The following U2AF2 variants were observed in gnomAD, a reference collection of about 807,000 sequenced individuals.
U2AF2 encodes the protein splicing factor U2AF 65 kDa subunit.
Under a neutral mutation model 52.6 loss-of-function variants are expected in U2AF2, and 6 were observed. That is an observed-to-expected ratio of 0.11 (90% CI 0.06 to 0.23). U2AF2 has a LOEUF of 0.23. Among genes scored for constraint, U2AF2 ranks in the 10% least tolerant of loss-of-function variants. U2AF2 has a pLI of 1.00. For synonymous variants in U2AF2, 284 were observed against 258.2 expected, an observed-to-expected ratio of 1.10 and a Z score of -0.96; for missense variants, 222 against 677.1, an observed-to-expected ratio of 0.33 and a Z score of 7.46.
intron 11 of U2AF2, among the ~76,000 whole-genome samples, chr19:55,673,503 TG>T (rs1214465177): frequency 3.9e-5 from 6 of 152,254 alleles, no homozygotes; most frequent in African/African-American, 1.4e-4. Context: ...TTATTCAACC[TG>T]GGTTTGAATC....
chr19:55,661,577 CCT>C (rs972916617), intron 5 of U2AF2, among the ~76,000 whole-genome samples: 3 of 151,120 alleles, frequency 2.0e-5, no homozygotes, highest in Admixed American at 1.3e-4. Context: ...TTCTGACACG[CCT>C]CTCGTTCTCT....
At chr19:55,673,475 G>A (rs746609327) in intron 11 of U2AF2, among the ~76,000 whole-genome samples, 1 of 152,174 alleles carries the variant, frequency 6.6e-6, no homozygotes, top group Non-Finnish European at 1.5e-5. Flanking sequence ...AATAGATCAA[G>A]GTTCAAGTTT....
intron 2 of U2AF2, among the ~76,000 whole-genome samples, chr19:55,659,580 G>T (rs1186041423): frequency 1.3e-5 from 2 of 151,782 alleles, no homozygotes; most frequent in Non-Finnish European, 2.9e-5. Flanking sequence ...GTGGGTTGCT[G>T]GGGGCAATAG....
intron 1 of U2AF2, chr19:55,659,003 T>C (rs1235305613): frequency 4.1e-6 from 3 of 725,994 alleles, no homozygotes; most frequent in African/African-American, 3.7e-5. Flanking sequence ...CCCGGGGGCA[T>C]TTCCAGGCCC....
At chr19:55,661,942 C>A (rs920434154) in intron 5 of U2AF2, 2 of 153,346 alleles carry the variant, frequency 1.3e-5, no homozygotes, top group Admixed American at 6.5e-5. Flanking sequence ...CCTCCCCTCC[C>A]GTCCCTGCCC....
chr19:55,661,638 TC>T (rs1984213282), intron 5 of U2AF2: 1 of 161,016 alleles, frequency 6.2e-6, no homozygotes, highest in Non-Finnish European at 1.3e-5. Flanking sequence ...TGGTCGCTGT[TC>T]TTTTATTTTT....
rs1985149448 is a variant in U2AF2 at position 55,674,311 on chromosome 19, A to C, written c.*243A>C. 2.0e-6 allele frequency: 1 copy of C among 493,010 alleles called. No individual in the cohort carries two copies. The highest frequency in any genetic ancestry group is 3.6e-6 in the Non-Finnish European group (1 of 274,834). The allele number at this position is 493,010 out of a possible 1,614,324, so 30.5% of individuals were successfully genotyped here. A position where few individuals can be genotyped will look rare whatever the true frequency, so the allele number is the denominator to read the frequency against. On this transcript the variant is annotated 3_prime_UTR_variant, in exon 12 of 12. Coordinates refer to ENST00000308924, the MANE Select transcript of U2AF2 (RefSeq NM_007279.3). ...CCACACAGACAACACGCACCCACACAGACACAGAGGGAAGGGGTTGGGATG... is the reference window on the plus strand; with the variant it reads ...CCACACAGACAACACGCACCCACACCGACACAGAGGGAAGGGGTTGGGATG...
Position 55,660,514 on chromosome 19 carries a change from A to T in U2AF2, c.231-2A>T. 3.3e-6 allele frequency: 1 copy of T among 299,372 alleles called. No individual in the cohort carries two copies. The highest frequency in any genetic ancestry group is 5.1e-6 in the Non-Finnish European group (1 of 195,960). 18.5% of individuals were successfully genotyped at this position (299,372 alleles called of 1,614,324 possible). A position where few individuals can be genotyped will look rare whatever the true frequency, so the allele number is the denominator to read the frequency against. ...CCCGCTCTCCCCTCCCACCTCCCCC[A>T]GTCGTTCCCCCCGCCACGAGAAGAA... On this transcript the variant is annotated splice_acceptor_variant, in intron 3 of 11. Transcript: ENST00000308924. LOFTEE classifies it high-confidence loss of function.
intron 2 of U2AF2, 74 bp from the exon 3 acceptor site, chr19:55,660,103 G>A (rs1984070280): frequency 1.1e-5 from 16 of 1,443,786 alleles, no homozygotes; most frequent in Non-Finnish European, 1.5e-5. Flanking sequence ...CAGTGCCCTT[G>A]GGGGGGTGTG....
At chr19:55,657,601 C>T (rs1983877397) in intron 1 of U2AF2, among the ~76,000 whole-genome samples, 2 of 152,066 alleles carry the variant, frequency 1.3e-5, no homozygotes, top group Admixed American at 6.6e-5. Flanking sequence ...GTGCCCAGTG[C>T]CGTGCCTGTG....
At chr19:55,667,764 C>T (rs1009076143) in intron 7 of U2AF2, among the ~76,000 whole-genome samples, 8 of 150,680 alleles carry the variant, frequency 5.3e-5, no homozygotes, top group East Asian at 1.9e-4. Context: ...TCTGACAGGG[C>T]GTGAAGGGAA....
rs147987516 is a variant in U2AF2 at position 55,673,954 on chromosome 19, T to C, written c.1314T>C (p.Ser438=). 2 of 1,613,646 alleles carry C rather than the reference T, an allele frequency of 1.2e-6. No individual in the cohort carries two copies. The highest frequency in any genetic ancestry group is 1.7e-4 in the Middle Eastern group (1 of 6,058). ...GCGKIFVEFT[S]VFDCQKAMQG... ...CACAGATCTTTGTGGAGTTCACCTCTGTGTTTGACTGCCAGAAAGCCATGC... is the reference window on the plus strand; with the variant it reads ...CACAGATCTTTGTGGAGTTCACCTCCGTGTTTGACTGCCAGAAAGCCATGC... The change falls in exon 12 of 12, where the codon TCT becomes TCC. Residue 438 remains serine (S), a synonymous_variant. Transcript: ENST00000308924.
At chr19:55,659,609 G>A (rs138488205) in intron 2 of U2AF2, among the ~76,000 whole-genome samples, 1 of 152,012 alleles carries the variant, frequency 6.6e-6, no homozygotes, top group Non-Finnish European at 1.5e-5. Context: ...TCTGGAGCCT[G>A]GGAATTGATT....
chr19:55,674,089 G>A lies in U2AF2; in HGVS notation c.*21G>A. 6.3e-7 allele frequency: 1 copy of A among 1,588,460 alleles called. No homozygotes were observed. The highest frequency in any genetic ancestry group is 1.1e-5 in the South Asian group (1 of 87,940). ...GGTAGAGGCGGCTGGGGGAGGGTGG[G>A]GGCAGGGCTGGCTGGGGGCTTCTCC... On this transcript the variant is annotated 3_prime_UTR_variant, in exon 12 of 12. Coordinates refer to ENST00000308924, the MANE Select transcript of U2AF2 (RefSeq NM_007279.3).
chr19:55,669,385 A>G, intron 10 of U2AF2, 59 bp from the exon 11 acceptor site: 1 of 1,556,086 alleles, frequency 6.4e-7, no homozygotes, highest in Non-Finnish European at 8.7e-7. Context: ...CCTAGGCTTG[A>G]GCAGAGGGAG....
Position 55,674,397 on chromosome 19 carries a change from T to A in U2AF2, c.*329T>A, listed in dbSNP as rs8791. ...AGCCCCTCCCAAAACAGCCTCTCCT[T>A]CTCCCATAGACCCCTTTCTTCTCCC... On this transcript the variant is annotated 3_prime_UTR_variant, in exon 12 of 12. Transcript: ENST00000308924. 0.7 allele frequency: 195,664 copies of A among 277,742 alleles called. 73,373 individuals are homozygous for A. The highest frequency in any genetic ancestry group is 0.84 in the Middle Eastern group (720 of 854). The allele number at this position is 277,742 out of a possible 1,614,324, so 17.2% of individuals were successfully genotyped here.
chr19:55,665,756 C>T (rs1241131288), intron 7 of U2AF2, among the ~76,000 whole-genome samples: 2 of 152,186 alleles, frequency 1.3e-5, no homozygotes, highest in Admixed American at 1.3e-4. Flanking sequence ...TCAAGCGATT[C>T]TCCTGCCTCA....
rs779937613 is a variant in U2AF2, at chr19:55,669,166, G to A, written c.1029G>A (p.Thr343=). Residue 343 remains threonine, a synonymous_variant, in exon 10 of 12, where the codon ACG becomes ACA. Transcript: ENST00000308924. ...CGAGTGTGGGAGCCAAGAATGCCAC[G>A]CTGGTGAGCCCCCCGGCACGTCATC... ...QRASVGAKNA[T]LVSPPSTINQ... The A allele has an allele frequency of 1.2e-5, 19 of 1,613,842 alleles. No homozygotes were observed. Among genetic ancestry groups the A allele is most frequent in the Admixed American group, 1.7e-5 (1 of 59,992 alleles).
Position 55,662,125 on chromosome 19 carries a change from T to A in U2AF2, c.487-377T>A, listed in dbSNP as rs556764130. ...TCTCCACTGGGTGGCCCTTCCTGTG[T>A]GCTCTGTCTCTTCATCTCTTGTGTT... On this transcript the variant is annotated intron_variant, in intron 5 of 11. Transcript: ENST00000308924. 4.4e-4 allele frequency: 77 copies of A among 176,760 alleles called. 1 individual carries two copies. The Middle Eastern group carries it at 7.9e-3, about 18-fold the overall frequency. The allele number at this position is 176,760 out of a possible 1,614,324, so 10.9% of individuals were successfully genotyped here. A position where few individuals can be genotyped will look rare whatever the true frequency, so the allele number is the denominator to read the frequency against.
Sources: allele counts gnomAD v4.1 joint callset (sites outside exome capture counted in the v4.1 genomes callset), GRCh38; gene constraint gnomAD v4.1.1; transcripts MANE v1.5; gene names NCBI Gene and HGNC (gene_info 2026-07-23, HGNC 2026-07-21).